ZFAND1: variants seen among roughly 807,000 people sequenced by gnomAD.
The protein encoded by ZFAND1 is zinc finger AN1-type containing 1.
ZFAND1 carries 40 observed loss-of-function variants against 38.5 expected under a neutral mutation model. The observed-to-expected ratio is 1.04, with a 90% CI of 0.81 to 1.35. ZFAND1 has a LOEUF of 1.35. Among genes scored for constraint, ZFAND1 ranks in the 40% most tolerant of loss-of-function variants. The pLI, the probability that ZFAND1 is intolerant of heterozygous loss-of-function variation, is 0.00. For synonymous variants in ZFAND1, 117 were observed against 103.6 expected, an observed-to-expected ratio of 1.13 and a Z score of -0.78; for missense variants, 346 against 316.3, an observed-to-expected ratio of 1.09 and a Z score of -0.71.
intron 2 of ZFAND1, among the ~76,000 whole-genome samples, chr8:81,717,807 A>G (rs546835859): frequency 2.0e-5 from 3 of 152,196 alleles, no homozygotes; most frequent in South Asian, 4.1e-4. Context: ...CTTGGCATGT[A>G]ATGTAGTCAA....
At chr8:81,711,456 T>A (rs1252228566) in intron 6 of ZFAND1, among the ~76,000 whole-genome samples, 1 of 151,944 alleles carries the variant, frequency 6.6e-6, no homozygotes, top group Admixed American at 6.6e-5. Context: ...TACCATTCTA[T>A]GTGAAAGGCT....
intron 3 of ZFAND1, 115 bp from the exon 4 acceptor site, chr8:81,715,229 T>A: frequency 2.0e-6 from 2 of 999,488 alleles, no homozygotes; most frequent in Non-Finnish European, 2.9e-6. Flanking sequence ...TAGAGCAAGT[T>A]ACTTACTCTC....
At chr8:81,709,491 CAG>C (rs1316915543) in intron 6 of ZFAND1, among the ~76,000 whole-genome samples, 19 of 151,922 alleles carry the variant, frequency 1.3e-4, no homozygotes, top group African/African-American at 2.4e-4. Flanking sequence ...AAAATAATGA[CAG>C]AAAAATATTC....
chr8:81,714,708 G>C (rs1006578877), intron 5 of ZFAND1, 96 bp downstream of exon 5: 1 of 990,962 alleles, frequency 1.0e-6, no homozygotes, highest in Non-Finnish European at 1.6e-6. Flanking sequence ...ATACCACTGG[G>C]GTTATTAATG....
At chr8:81,721,179 C>G (rs1344449446) in intron 1 of ZFAND1, 48 bp downstream of exon 1, 2 of 1,542,960 alleles carry the variant, frequency 1.3e-6, no homozygotes, top group East Asian at 2.4e-5. Flanking sequence ...CAAAGCGGAG[C>G]CCTGGTCTCC....
Position 81,703,052 on chromosome 8 carries a change from G to A in ZFAND1, c.553C>T (p.His185Tyr). 6.3e-7 allele frequency: 1 copy of A among 1,579,106 alleles called. No homozygotes were observed. Among genetic ancestry groups the A allele is most frequent in the African/African-American group, 1.3e-5 (1 of 74,188 alleles). ...ATGGCCTTTCCAATGCTCCATCGGT[G>A]GCAAAAGAACATTGGTTTGCTCTTC... Reference protein sequence around the residue: ...KEKSKPMFFCHRWSIGKAIDF... With the variant: ...KEKSKPMFFCYRWSIGKAIDF... The change falls in exon 7 of 8, where the codon CAC becomes TAC. Residue 185 changes from histidine (H) to tyrosine (Y), a missense_variant. Transcript: ENST00000220669.
chr8:81,717,253 G>A lies in ZFAND1; in HGVS notation c.134C>T (p.Pro45Leu). The A allele has an allele frequency of 6.5e-7, 1 of 1,543,310 alleles. No individual in the cohort carries two copies. The highest frequency in any genetic ancestry group is 8.7e-7 in the Non-Finnish European group (1 of 1,154,446). Residue 45 changes from proline to leucine, a missense_variant, in exon 3 of 8, where the codon CCT becomes CTT. Transcript: ENST00000220669. Reference sequence around the variant, plus strand: ...ATTGGAAAAATACTAACATACCTCAGGACAACCATGAGACTCCCTGCTTCT... The same window carrying A: ...ATTGGAAAAATACTAACATACCTCAAGACAACCATGAGACTCCCTGCTTCT... ...EHRSRESHGC[P>L]EVTVINERLK... is the part of the protein sequence containing the mutation.
chr8:81,717,905 C>T (rs2306917), intron 2 of ZFAND1, among the ~76,000 whole-genome samples: 133,871 of 152,004 alleles, frequency 0.88, 58,966 homozygotes, highest in South Asian at 0.95. Context: ...ATAACTGGAT[C>T]TTTACCATAT....
chr8:81,714,538 T>G (rs1339538690), intron 5 of ZFAND1: 4 of 398,210 alleles, frequency 1.0e-5, no homozygotes, highest in Non-Finnish European at 1.9e-5. Flanking sequence ...ATGAATACCA[T>G]TTCTAGCCCA....
At chr8:81,718,324 C>T in intron 1 of ZFAND1, 100 bp from the exon 2 acceptor site, 2 of 883,576 alleles carry the variant, frequency 2.3e-6, no homozygotes, top group Non-Finnish European at 3.4e-6. Context: ...CCCATTTTGA[C>T]TAATATCCTA....
At position 81,702,716 on chromosome 8, in the gene ZFAND1, A is replaced by AT; in HGVS notation, c.785dup (p.Asn262LysfsTer3). 1 of 1,551,132 alleles carries AT rather than the reference A, an allele frequency of 6.4e-7. No individual in the cohort carries two copies. The highest frequency in any genetic ancestry group is 1.3e-5 in the South Asian group (1 of 78,980). On this transcript the variant is annotated frameshift_variant, in exon 8 of 8. Transcript: ENST00000220669. LOFTEE classifies it high-confidence loss of function. ...ATGACTATTCCAAGTAAGATTCAAC[A>AT]TTTTTACAGAATTGTTCTTCATCAT...
chr8:81,715,014 G>A lies in ZFAND1; in HGVS notation c.239C>T (p.Pro80Leu), dbSNP rs1325749825. The change falls in exon 4 of 8, where the codon CCT (proline) becomes CTT (leucine). Residue 80 changes from proline (P) to leucine (L), a missense_variant. Transcript: ENST00000220669. ...CAGGCAAAAATTCTTCTCACAATAA[G>A]GACATATAACTGCCACAAGTTCTCT... is the stretch of plus-strand genomic sequence containing the variant. ...AERELVAVIC[P>L]YCEKNFCLRH... 3.7e-6 allele frequency: 6 copies of A among 1,613,856 alleles called. No individual in the cohort carries two copies. The East Asian group carries it at 1.1e-4, about 30-fold the overall frequency.
rs573128279 is a variant in ZFAND1, at chr8:81,701,559, C to A, written c.*1136G>T. ...AAGGTATACCTGTATGTATACATAT[C>A]ATCATTGTATTAATCATGGCAATTA... On this transcript the variant is annotated 3_prime_UTR_variant, in exon 8 of 8. Coordinates refer to ENST00000220669, the MANE Select transcript of ZFAND1 (RefSeq NM_024699.3). 1.1e-4 allele frequency: 16 copies of A among 152,204 alleles called. No homozygotes were observed. In the South Asian group the frequency reaches 2.9e-3, roughly 28 times the overall value. The allele number at this position is 152,204 out of a possible 1,614,324, so 9.4% of individuals were successfully genotyped here. A position where few individuals can be genotyped will look rare whatever the true frequency, so the allele number is the denominator to read the frequency against.
intron 6 of ZFAND1, among the ~76,000 whole-genome samples, chr8:81,713,134 T>A (rs1399944162): frequency 6.6e-6 from 1 of 152,158 alleles, no homozygotes; most frequent in Non-Finnish European, 1.5e-5. Context: ...TTTGTTCGTT[T>A]TTTTTTGAGA....
chr8:81,712,485 C>T (rs1335331037), intron 6 of ZFAND1, among the ~76,000 whole-genome samples: 1 of 151,866 alleles, frequency 6.6e-6, no homozygotes, highest in Non-Finnish European at 1.5e-5. Flanking sequence ...CAGAAAATAG[C>T]CCAGAAAATC....
At chr8:81,708,851 A>G in intron 6 of ZFAND1, 1 of 1,208,484 alleles carries the variant, frequency 8.3e-7, no homozygotes. Flanking sequence ...GGATAAAAAT[A>G]TATCTCAGAA....
chr8:81,712,404 T>C (rs955169537), intron 6 of ZFAND1, among the ~76,000 whole-genome samples: 2 of 151,962 alleles, frequency 1.3e-5, no homozygotes, highest in African/African-American at 2.4e-5. Context: ...ACAATGATAA[T>C]GAACACAAGA....
chr8:81,713,822 G>T lies in ZFAND1; in HGVS notation c.480+96C>A, dbSNP rs1314953692. The T allele has an allele frequency of 3.3e-6, 4 of 1,221,386 alleles. No homozygotes were observed. The South Asian group carries it at 5.1e-5, about 16-fold the overall frequency. 75.7% of individuals were successfully genotyped at this position (1,221,386 alleles called of 1,614,324 possible). ...CAACATTAAGAATGATACATACCAG[G>T]TTTAGGTTAGTTGTTAATTGATGGG... On this transcript the variant is annotated intron_variant, in intron 6 of 7. Transcript: ENST00000220669.
chr8:81,713,921 T>C lies in ZFAND1; in HGVS notation c.477A>G (p.Pro159=). The C allele has an allele frequency of 1.9e-6, 3 of 1,613,010 alleles. No individual in the cohort carries two copies. The highest frequency in any genetic ancestry group is 1.3e-5 in the African/African-American group (1 of 75,008). The change falls in exon 6 of 8, where the codon CCA becomes CCG. Residue 159 remains proline, a synonymous_variant. Coordinates refer to ENST00000220669, the MANE Select transcript of ZFAND1 (RefSeq NM_024699.3). Reference sequence around the variant, plus strand: ...TTAAAAAATCTCTAAGACCAACCTGTGGTAATGACTTATCGCCATCAGCAT... The same window carrying C: ...TTAAAAAATCTCTAAGACCAACCTGCGGTAATGACTTATCGCCATCAGCAT... ...KMHADGDKSL[P]QTERIYFQVF...
Sources: allele counts gnomAD v4.1 joint callset (sites outside exome capture counted in the v4.1 genomes callset), GRCh38; gene constraint gnomAD v4.1.1; transcripts MANE v1.5; gene names NCBI Gene and HGNC (gene_info 2026-07-23, HGNC 2026-07-21).